SEC31A: variants seen among roughly 807,000 people sequenced by gnomAD.
SEC31A encodes the protein protein transport protein Sec31A.
SEC31A carries 70 observed loss-of-function variants against 151.0 expected under a neutral mutation model. The observed-to-expected ratio is 0.46, with a 90% CI of 0.38 to 0.57. The LOEUF is 0.57. SEC31A is among the 20% of genes least tolerant of loss of function. The pLI is 0.00. For synonymous variants in SEC31A, 475 were observed against 505.9 expected (o/e 0.94, Z 0.82); for missense variants, 1,330 against 1,471.2 (o/e 0.90, Z 1.57).
intron 14 of SEC31A, among the ~76,000 whole-genome samples, chr4:82,859,491 G>A (rs4235055): frequency 1 from 151,878 of 152,302 alleles, 75,727 homozygotes; most frequent in Middle Eastern, 1. Context: ...TGAAATATCT[G>A]TCTTCTGTGC....
At chr4:82,877,434 A>T (rs1444252091) in intron 4 of SEC31A, 16 of 150,824 alleles carry the variant, frequency 1.1e-4, no homozygotes, top group African/African-American at 3.9e-4. Flanking sequence ...GTTGCAGTGC[A>T]GTGGTGTGAT....
chr4:82,833,438 C>T (rs943962793), intron 22 of SEC31A, among the ~76,000 whole-genome samples: 1 of 151,598 alleles, frequency 6.6e-6, no homozygotes, highest in African/African-American at 2.4e-5. Flanking sequence ...AGGATAAATA[C>T]CTAATGTAGG....
intron 22 of SEC31A, among the ~76,000 whole-genome samples, chr4:82,839,994 A>G (rs1728372356): frequency 7.2e-6 from 1 of 139,574 alleles, no homozygotes; most frequent in African/African-American, 2.8e-5. Context: ...TGCAATGATG[A>G]TAGTTTTCTA....
At position 82,842,294 on chromosome 4, in the gene SEC31A, G is replaced by A. The variant is rs764735944; in HGVS notation, c.2814C>T (p.Ser938=). ...GGGGAGGAGGGAAAGAAGTAGCAGG[G>A]CTGGAGGTAGGTGAAGAGGCCTGGT... ...AQHQASSPTS[S]PATSFPPPPS... Residue 938 remains serine (S), a synonymous_variant, in exon 22 of 27, where the codon AGC becomes AGT. Coordinates refer to ENST00000395310, the MANE Select transcript of SEC31A (RefSeq NM_001077207.4). 3 of 1,613,734 alleles carry A rather than the reference G, an allele frequency of 1.9e-6. No homozygotes were observed. The Admixed American group carries it at 5.0e-5, about 27-fold the overall frequency.
At chr4:82,876,902 AC>A (rs1738096107) in intron 4 of SEC31A, among the ~76,000 whole-genome samples, 1 of 152,240 alleles carries the variant, frequency 6.6e-6, no homozygotes, top group South Asian at 2.1e-4. Context: ...GCTGTTCAAT[AC>A]AATTAACAAA....
chr4:82,864,555 G>C lies in SEC31A; in HGVS notation c.1241C>G (p.Ser414Cys). Reference protein sequence around the residue: ...LVTFENVRMPSHQGAEQQQQQ... With the variant: ...LVTFENVRMPCHQGAEQQQQQ... ...CTGCTGCTGCTCAGCTCCCTGATGA[G>C]AAGGCATTCTGACATTCTCAAACGT... Residue 414 changes from serine (S) to cysteine (C), a missense_variant, in exon 11 of 27, where the codon TCT (serine) becomes TGT (cysteine). By Grantham distance (112) the Ser-to-Cys change is moderately radical. Coordinates refer to ENST00000395310, the MANE Select transcript of SEC31A (RefSeq NM_001077207.4). 2 of 1,614,052 alleles carry C rather than the reference G, an allele frequency of 1.2e-6. No homozygotes were observed. Among genetic ancestry groups the C allele is most frequent in the Non-Finnish European group, 1.7e-6 (2 of 1,180,016 alleles).
At chr4:82,893,889 T>C (rs1719947088), upstream of SEC31A, 1 of 152,226 alleles carries the variant, frequency 6.6e-6, no homozygotes, top group Non-Finnish European at 1.5e-5. Context: ...AGTTTCTTTA[T>C]ACATTAACTT....
At chr4:82,881,798 G>C in intron 2 of SEC31A, 60 bp downstream of exon 2, 3 of 1,271,774 alleles carry the variant, frequency 2.4e-6, no homozygotes, top group Non-Finnish European at 3.5e-6. Flanking sequence ...AACTGAATAA[G>C]CTAGGTGCAG....
chr4:82,837,158 CATATATATATATATATATATATATATAT>C (rs138120291), intron 22 of SEC31A, among the ~76,000 whole-genome samples: 1 of 42,660 alleles, frequency 2.3e-5, no homozygotes, highest in African/African-American at 9.0e-5. Context: ...TAAATTTTAT[CATATATATATATATATATATATATATAT>C]ATATATATAT....
chr4:82,842,453 G>A lies in SEC31A; in HGVS notation c.2655C>T (p.Phe885=), dbSNP rs534748183. ...GATACATTGCTGACCCCCCTGTTCC[G>A]AAGGGATACGGCTGGGCTGGTTGAT... ...QPYQPAQPYP[F]GTGGSAMYRP... is the part of the protein sequence containing the mutation. The change falls in exon 22 of 27, where the codon TTC becomes TTT. Residue 885 remains phenylalanine, a synonymous_variant. Coordinates refer to ENST00000395310, the MANE Select transcript of SEC31A (RefSeq NM_001077207.4). The A allele has an allele frequency of 2.2e-5, 36 of 1,613,078 alleles. No homozygotes were observed. The East Asian group carries it at 3.8e-4, about 17-fold the overall frequency.
chr4:82,844,102 T>C, intron 21 of SEC31A: 2 of 386,242 alleles, frequency 5.2e-6, no homozygotes, highest in East Asian at 7.4e-5. Flanking sequence ...TTCTGTTTCT[T>C]TATACCAAAA....
rs773480797 is a variant in SEC31A, at chr4:82,857,105, A to G, written c.1728T>C (p.Ala576=). ...SGDIDGLITQ[A]LLTGNFESAV... Reference sequence around the variant, plus strand: ...CACTCTCAAAATTGCCCGTCAGCAAAGCCTGAGTAATTAAACCATCAATGT... The same window carrying G: ...CACTCTCAAAATTGCCCGTCAGCAAGGCCTGAGTAATTAAACCATCAATGT... Residue 576 remains alanine, a synonymous_variant, in exon 16 of 27, where the codon GCT becomes GCC. Transcript: ENST00000395310. The G allele has an allele frequency of 6.2e-7, 1 of 1,612,496 alleles. No homozygotes were observed. The highest frequency in any genetic ancestry group is 8.5e-7 in the Non-Finnish European group (1 of 1,179,700).
At chr4:82,846,015 T>C (rs920626166) in intron 20 of SEC31A, among the ~76,000 whole-genome samples, 3 of 152,078 alleles carry the variant, frequency 2.0e-5, no homozygotes, top group Admixed American at 1.3e-4. Context: ...TGTTTGTTTT[T>C]CCGAGACGGA....
chr4:82,879,186 T>A (rs977248510), intron 3 of SEC31A, among the ~76,000 whole-genome samples: 2 of 152,118 alleles, frequency 1.3e-5, no homozygotes, highest in Non-Finnish European at 2.9e-5. Context: ...ATACTTGAGT[T>A]GTGTGTCAAA....
At chr4:82,874,284 C>T (rs989170907) in intron 6 of SEC31A, among the ~76,000 whole-genome samples, 7 of 148,410 alleles carry the variant, frequency 4.7e-5, no homozygotes, top group Non-Finnish European at 7.4e-5. Context: ...GGCGACAAAG[C>T]GAGACTCCGT....
rs773023481 is a variant in SEC31A, at chr4:82,824,586, A to G, written c.3380T>C (p.Ile1127Thr). 8.1e-6 allele frequency: 13 copies of G among 1,613,956 alleles called. No individual in the cohort carries two copies. Among genetic ancestry groups the G allele is most frequent in the Admixed American group, 1.7e-5 (1 of 59,992 alleles). Reference sequence around the variant, plus strand: ...TGTTGCTGAAGAAAGGCAGCGCTGAATAAGATCCTCAAATGTGGTCTTTAG... The same window carrying G: ...TGTTGCTGAAGAAAGGCAGCGCTGAGTAAGATCCTCAAATGTGGTCTTTAG... Reference protein sequence around the residue: ...LILKTTFEDLIQRCLSSATDP... With the variant: ...LILKTTFEDLTQRCLSSATDP... Residue 1127 changes from isoleucine (I) to threonine (T), a missense_variant, in exon 25 of 27, where the codon ATT (isoleucine) becomes ACT (threonine). By Grantham distance (89) the Ile-to-Thr change is moderately conservative. Transcript: ENST00000395310.
At position 82,861,602 on chromosome 4, in the gene SEC31A, C is replaced by A. The variant is rs932583667; in HGVS notation, c.1626+29G>T. On this transcript the variant is annotated intron_variant, in intron 14 of 26. Coordinates refer to ENST00000395310, the MANE Select transcript of SEC31A (RefSeq NM_001077207.4). ...AGATACACAAATATCACAAATTTGTCCAATATAATATGAAAAAAAAATAAG... is the reference window on the plus strand; with the variant it reads ...AGATACACAAATATCACAAATTTGTACAATATAATATGAAAAAAAAATAAG... 5 of 1,468,412 alleles carry A rather than the reference C, an allele frequency of 3.4e-6. No homozygotes were observed. In the Admixed American group the frequency reaches 7.5e-5, roughly 22 times the overall value. 91.0% of individuals were successfully genotyped at this position (1,468,412 alleles called of 1,614,324 possible).
At chr4:82,869,745 TTG>T (rs2149589720) in intron 8 of SEC31A, among the ~76,000 whole-genome samples, 1 of 152,344 alleles carries the variant, frequency 6.6e-6, no homozygotes, top group African/African-American at 2.4e-5. Flanking sequence ...ACTAAAGGGC[TTG>T]TTTTAATTTT....
intron 22 of SEC31A, among the ~76,000 whole-genome samples, chr4:82,840,824 T>G (rs1233580632): frequency 6.6e-6 from 1 of 152,142 alleles, no homozygotes; most frequent in Non-Finnish European, 1.5e-5. Flanking sequence ...TACAAAAGAT[T>G]TAAAACATGG....
Sources: allele counts gnomAD v4.1 joint callset (sites outside exome capture counted in the v4.1 genomes callset), GRCh38; gene constraint gnomAD v4.1.1; transcripts MANE v1.5; gene names NCBI Gene and HGNC (gene_info 2026-07-23, HGNC 2026-07-21).